HACD4: variants seen among roughly 807,000 people sequenced by gnomAD.
The protein encoded by HACD4 is 3-hydroxyacyl-CoA dehydratase 4.
In HACD4, 35 loss-of-function variants were observed where a neutral mutation model predicts 33.3. The ratio of observed to expected loss-of-function variants is 1.05; its 90% CI spans 0.80 to 1.39. The LOEUF is 1.39. Ranked by LOEUF, HACD4 falls within the 40% of genes most tolerant of loss-of-function variation. The probability of loss-of-function intolerance (pLI) is 0.00; values close to 1 mark genes in which losing one functional copy is unlikely to be tolerated. For missense variants in HACD4, 323 were observed against 276.5 expected (o/e 1.17, Z -1.19); for synonymous variants, 118 against 98.0 (o/e 1.20, Z -1.21).
intron 5 of HACD4, among the ~76,000 whole-genome samples, chr9:21,010,413 A>G (rs559215077): frequency 4.0e-5 from 6 of 150,998 alleles, no homozygotes; most frequent in African/African-American, 1.2e-4. Flanking sequence ...CTGGTGCATA[A>G]AAGAGAGGAA....
intron 1 of HACD4, among the ~76,000 whole-genome samples, chr9:21,031,123 C>G (rs923821577): frequency 1.3e-5 from 2 of 152,138 alleles, no homozygotes; most frequent in Non-Finnish European, 2.9e-5. Context: ...CACCCCCAGG[C>G]CCTACCGCTA....
intron 5 of HACD4, among the ~76,000 whole-genome samples, chr9:21,011,282 G>T (rs1426919933): frequency 6.6e-6 from 1 of 152,170 alleles, no homozygotes; most frequent in East Asian, 1.9e-4. Flanking sequence ...ATCTCTAAAT[G>T]TTAACTTCTT....
chr9:21,012,005 C>T (rs567219868), intron 4 of HACD4, among the ~76,000 whole-genome samples: 74 of 152,246 alleles, frequency 4.9e-4, no homozygotes, highest in African/African-American at 1.8e-3. Flanking sequence ...AAGCCAAGCT[C>T]ATTTTTTGCA....
chr9:21,026,873 TAAC>T, intron 2 of HACD4, 150 bp from the exon 3 acceptor site: 1 of 618,552 alleles, frequency 1.6e-6, no homozygotes, highest in South Asian at 2.0e-5. Context: ...ACTAAATTAT[TAAC>T]AATACAATGC....
chr9:21,022,727 G>A (rs1192697981), intron 3 of HACD4, among the ~76,000 whole-genome samples: 8 of 150,870 alleles, frequency 5.3e-5, no homozygotes, highest in South Asian at 2.2e-4. Context: ...AACAGGTGCT[G>A]GAGAGGATGT....
At chr9:21,026,249 A>G (rs887660309) in intron 3 of HACD4, among the ~76,000 whole-genome samples, 6 of 152,234 alleles carry the variant, frequency 3.9e-5, no homozygotes, top group Admixed American at 3.9e-4. Flanking sequence ...TGGTAAGCAG[A>G]AAAGCCAGGC....
intron 2 of HACD4, among the ~76,000 whole-genome samples, chr9:21,027,116 G>T (rs1053027327): frequency 6.6e-6 from 1 of 152,130 alleles, no homozygotes. Context: ...CTTCTCCACT[G>T]ACAAGAAAAT....
In HACD4 at chr9:21,005,137, G is replaced by C. The variant is rs1842239054; in HGVS notation, c.*1900C>G. On this transcript the variant is annotated 3_prime_UTR_variant, in exon 7 of 7. Transcript: ENST00000495827. This position sits in a 1 kb window ranked among gnomAD's most constrained non-coding sequence, Gnocchi z 4.0. ...AATATGCCAAAGAACTTGGATGATT[G>C]TGTTCATGTTCTAGTGTTTTGTGGA... 1 of 152,188 alleles carries C rather than the reference G, an allele frequency of 6.6e-6. No homozygotes were observed. The highest frequency in any genetic ancestry group is 2.4e-5 in the African/African-American group (1 of 41,456). 9.4% of individuals were successfully genotyped at this position (152,188 alleles called of 1,614,324 possible).
intron 3 of HACD4, among the ~76,000 whole-genome samples, chr9:21,023,351 A>G (rs1817976188): frequency 6.6e-6 from 1 of 152,206 alleles, no homozygotes; most frequent in Non-Finnish European, 1.5e-5. Flanking sequence ...CAGGTACCCT[A>G]GAACTTAAAG....
intron 3 of HACD4, among the ~76,000 whole-genome samples, chr9:21,024,659 G>A (rs978644308): frequency 2.6e-5 from 4 of 152,170 alleles, no homozygotes; most frequent in Non-Finnish European, 4.4e-5. Context: ...GCACATTCAA[G>A]GTGCTCAGTG....
At chr9:21,016,510 G>A (rs754012998) in intron 3 of HACD4, among the ~76,000 whole-genome samples, 3 of 152,206 alleles carry the variant, frequency 2.0e-5, no homozygotes, top group Non-Finnish European at 4.4e-5. Flanking sequence ...TTTCATCCAA[G>A]TTGGATCTTG....
At chr9:21,027,645 G>C (rs1278419623) in intron 2 of HACD4, among the ~76,000 whole-genome samples, 1 of 152,154 alleles carries the variant, frequency 6.6e-6, no homozygotes, top group African/African-American at 2.4e-5. Context: ...ACACAGCTCC[G>C]TGAAGGAAGA....
Position 21,007,033 on chromosome 9 carries a change from T to C in HACD4, c.*4A>G. On this transcript the variant is annotated 3_prime_UTR_variant, in exon 7 of 7. Coordinates refer to ENST00000495827, the MANE Select transcript of HACD4 (RefSeq NM_001010915.5). ...TTTCTCGTGTCACACTGGAATGCTGTACTTCACATCTTCTTTTTTTTAATG... is the reference window on the plus strand; with the variant it reads ...TTTCTCGTGTCACACTGGAATGCTGCACTTCACATCTTCTTTTTTTTAATG... The C allele has an allele frequency of 1.3e-6, 2 of 1,512,940 alleles. No homozygotes were observed. The highest frequency in any genetic ancestry group is 1.8e-6 in the Non-Finnish European group (2 of 1,088,150). The allele number at this position is 1,512,940 out of a possible 1,614,324, so 93.7% of individuals were successfully genotyped here.
In HACD4 at chr9:21,006,847, T is replaced by A. The variant is rs1233040761; in HGVS notation, c.*190A>T. 1.4e-5 allele frequency: 8 copies of A among 587,114 alleles called. No individual in the cohort carries two copies. The highest frequency in any genetic ancestry group is 2.4e-5 in the Non-Finnish European group (8 of 327,640). 36.4% of individuals were successfully genotyped at this position (587,114 alleles called of 1,614,324 possible). On this transcript the variant is annotated 3_prime_UTR_variant, in exon 7 of 7. Transcript: ENST00000495827. The surrounding 1 kb of genome is among the most constrained non-coding windows in gnomAD (Gnocchi z 4.6). ...TGAAGCAGGGTATGGAGAATATATA[T>A]GTCTTAAAAATACAATGTGTGAAAA...
rs1842251808 is a variant in HACD4, at chr9:21,005,636, T to G, written c.*1401A>C. 2 of 152,222 alleles carry G rather than the reference T, an allele frequency of 1.3e-5. No individual in the cohort carries two copies. Among genetic ancestry groups the G allele is most frequent in the Non-Finnish European group, 2.9e-5 (2 of 68,066 alleles). 9.4% of individuals were successfully genotyped at this position (152,222 alleles called of 1,614,324 possible). A position where few individuals can be genotyped will look rare whatever the true frequency, so the allele number is the denominator to read the frequency against. On this transcript the variant is annotated 3_prime_UTR_variant, in exon 7 of 7. Transcript: ENST00000495827. The surrounding 1 kb of genome is among the most constrained non-coding windows in gnomAD (Gnocchi z 4.0). ...GAACATCAGTGGTACCTTCTCAGTT[T>G]CAAAAGGGGCAGTCATTGCCTTGGT...
In HACD4 at chr9:21,003,169, T is replaced by C. The variant is rs1176528539; in HGVS notation, c.*3868A>G. The C allele has an allele frequency of 1.3e-5, 2 of 152,190 alleles. No individual in the cohort carries two copies. Among genetic ancestry groups the C allele is most frequent in the African/African-American group, 4.8e-5 (2 of 41,470 alleles). 9.4% of individuals were successfully genotyped at this position (152,190 alleles called of 1,614,324 possible). A position where few individuals can be genotyped will look rare whatever the true frequency, so the allele number is the denominator to read the frequency against. Reference sequence around the variant, plus strand: ...TATCTCAAATTACTGTCAATCCTCATTTCTGTTTTAAAATAATTATAAATT... The same window carrying C: ...TATCTCAAATTACTGTCAATCCTCACTTCTGTTTTAAAATAATTATAAATT... On this transcript the variant is annotated 3_prime_UTR_variant, in exon 7 of 7. Transcript: ENST00000495827.
At chr9:21,031,343 G>C in intron 1 of HACD4, 1 of 552,382 alleles carries the variant, frequency 1.8e-6, no homozygotes, top group Non-Finnish European at 2.3e-6. Context: ...CTGTAAAATG[G>C]AGAAAATAAC....
At chr9:21,024,593 A>G (rs1818015868) in intron 3 of HACD4, among the ~76,000 whole-genome samples, 1 of 152,222 alleles carries the variant, frequency 6.6e-6, no homozygotes, top group Non-Finnish European at 1.5e-5. Flanking sequence ...TTATATAATA[A>G]TTTCTATTAC....
rs1842193335 is a variant in HACD4 at position 21,003,172 on chromosome 9, CTGTTT to C, written c.*3860_*3864del. On this transcript the variant is annotated 3_prime_UTR_variant, in exon 7 of 7. Transcript: ENST00000495827. ...CTCAAATTACTGTCAATCCTCATTT[CTGTTT>C]TAAAATAATTATAAATTCACTTGTG... 6.6e-6 allele frequency: 1 copy of C among 152,044 alleles called. No homozygotes were observed. The highest frequency in any genetic ancestry group is 1.5e-5 in the Non-Finnish European group (1 of 67,984). The allele number at this position is 152,044 out of a possible 1,614,324, so 9.4% of individuals were successfully genotyped here. A position where few individuals can be genotyped will look rare whatever the true frequency, so the allele number is the denominator to read the frequency against.
Sources: gnomAD v4.1 joint callset for allele counts (sites outside exome capture counted in the v4.1 genomes callset) on GRCh38, gnomAD v4.1.1 for gene constraint, Gnocchi (gnomAD v3.1) non-coding constraint, MANE v1.5 for transcripts, NCBI Gene and HGNC (gene_info 2026-07-23, HGNC 2026-07-21) for gene names.